The following SLC30A8 variants were observed in gnomAD, a reference collection of about 807,000 sequenced individuals.
The protein encoded by SLC30A8 is proton-coupled zinc antiporter SLC30A8.
SLC30A8 carries 27 observed loss-of-function variants against 36.9 expected under a neutral mutation model. That is an observed-to-expected ratio of 0.73 (90% CI 0.54 to 1.01). The LOEUF (loss-of-function observed/expected upper bound fraction) is 1.01, where lower values mean the gene tolerates loss of function less well. Ranked by LOEUF, SLC30A8 falls within the 50% of genes least tolerant of loss-of-function variation. SLC30A8 has a pLI of 0.00. For synonymous variants in SLC30A8, 164 were observed against 172.4 expected (o/e 0.95, Z 0.38); for missense variants, 439 against 452.0 (o/e 0.97, Z 0.26).
intron 3 of SLC30A8, among the ~76,000 whole-genome samples, chr8:117,153,819 G>T (rs1226269753): frequency 1.3e-5 from 2 of 151,896 alleles, no homozygotes; most frequent in African/African-American, 4.8e-5. Context: ...GCTGAAACAT[G>T]TGCCTGAGCC....
intron 1 of SLC30A8, among the ~76,000 whole-genome samples, chr8:116,969,647 A>G (rs1359213545): frequency 6.6e-6 from 1 of 152,202 alleles, no homozygotes; most frequent in African/African-American, 2.4e-5. Context: ...GTTGTATGGT[A>G]TAGACTATCG....
intron 2 of SLC30A8, among the ~76,000 whole-genome samples, chr8:117,064,363 C>T (rs925269082): frequency 5.9e-5 from 9 of 152,168 alleles, no homozygotes; most frequent in African/African-American, 2.2e-4. Flanking sequence ...GCTATCAAGA[C>T]ATTCTCACAT....
chr8:117,150,581 C>T (rs916457583), intron 2 of SLC30A8, among the ~76,000 whole-genome samples: 7 of 152,146 alleles, frequency 4.6e-5, no homozygotes, highest in Non-Finnish European at 7.4e-5. Flanking sequence ...CATAATTTCC[C>T]TTCGCTAACA....
chr8:116,982,071 C>T (rs765197573), intron 1 of SLC30A8, among the ~76,000 whole-genome samples: 2 of 152,112 alleles, frequency 1.3e-5, no homozygotes, highest in African/African-American at 2.4e-5. Context: ...GCAACCTTGC[C>T]AGAATCTGTT....
intron 1 of SLC30A8, among the ~76,000 whole-genome samples, chr8:116,975,547 G>T (rs1814967564): frequency 1.3e-5 from 2 of 152,176 alleles, no homozygotes; most frequent in East Asian, 1.9e-4. Context: ...TTGGCAATAT[G>T]TTTGGTAAAG....
chr8:116,957,879 C>G (rs551951768), intron 1 of SLC30A8, among the ~76,000 whole-genome samples: 1 of 152,240 alleles, frequency 6.6e-6, no homozygotes, highest in East Asian at 1.9e-4. Context: ...CCAGCTTTTT[C>G]CCTTCATGGT....
chr8:116,994,545 A>G (rs941702487), intron 1 of SLC30A8, among the ~76,000 whole-genome samples: 4 of 152,128 alleles, frequency 2.6e-5, no homozygotes, highest in Non-Finnish European at 5.9e-5. Context: ...ACAGTTCTGT[A>G]GGATTCTATT....
At chr8:117,149,346 C>T (rs1353818674) in intron 2 of SLC30A8, among the ~76,000 whole-genome samples, 1 of 152,080 alleles carries the variant, frequency 6.6e-6, no homozygotes, top group African/African-American at 2.4e-5. Flanking sequence ...ATGATAGTAG[C>T]TATTATTTAT....
chr8:117,113,306 GC>G (rs1171371585), intron 2 of SLC30A8, among the ~76,000 whole-genome samples: 1 of 152,144 alleles, frequency 6.6e-6, no homozygotes, highest in Non-Finnish European at 1.5e-5. Context: ...GATACTGGTT[GC>G]CAGCTTTCTG....
At chr8:117,145,881 A>G (rs1821873179) in intron 1 of SLC30A8, among the ~76,000 whole-genome samples, 1 of 152,186 alleles carries the variant, frequency 6.6e-6, no homozygotes, top group South Asian at 2.1e-4. Context: ...GACAAATATC[A>G]CATGTTCTCG....
At chr8:117,103,441 C>T (rs1819816476) in intron 2 of SLC30A8, among the ~76,000 whole-genome samples, 2 of 152,100 alleles carry the variant, frequency 1.3e-5, no homozygotes, top group South Asian at 4.1e-4. Context: ...TCAGTGCCCT[C>T]AGAGTCATGT....
At chr8:117,041,776 T>C (rs1817396486) in intron 2 of SLC30A8, among the ~76,000 whole-genome samples, 1 of 152,172 alleles carries the variant, frequency 6.6e-6, no homozygotes, top group Non-Finnish European at 1.5e-5. Context: ...GACACATTGA[T>C]TGCTTTAGGT....
intron 2 of SLC30A8, among the ~76,000 whole-genome samples, chr8:117,063,548 A>G (rs968587409): frequency 1.3e-5 from 2 of 152,188 alleles, no homozygotes; most frequent in Admixed American, 1.3e-4. Context: ...TGCAACATAC[A>G]CATGCAAATT....
intron 2 of SLC30A8, among the ~76,000 whole-genome samples, chr8:117,083,161 A>C (rs1223574059): frequency 1.3e-5 from 2 of 152,146 alleles, no homozygotes; most frequent in Admixed American, 6.5e-5. Flanking sequence ...TGGTCATTGA[A>C]ATGACAGCAA....
At chr8:116,953,867 C>G (rs1207125541) in intron 1 of SLC30A8, among the ~76,000 whole-genome samples, 2 of 152,096 alleles carry the variant, frequency 1.3e-5, no homozygotes, top group African/African-American at 2.4e-5. Flanking sequence ...CATCTTAAAA[C>G]TGTAATTCAT....
At chr8:116,954,055 T>A (rs3020110) in intron 1 of SLC30A8, among the ~76,000 whole-genome samples, 100,966 of 152,044 alleles carry the variant, frequency 0.66, 34,131 homozygotes, top group African/African-American at 0.8. Context: ...AGTCCTAACT[T>A]AGAAATAATT....
At chr8:117,012,796 C>T (rs1816392355) in intron 1 of SLC30A8, among the ~76,000 whole-genome samples, 1 of 150,230 alleles carries the variant, frequency 6.7e-6, no homozygotes, top group Non-Finnish European at 1.5e-5. Flanking sequence ...CCTTTGAAGG[C>T]AGTCAGCATA....
intron 1 of SLC30A8, among the ~76,000 whole-genome samples, chr8:117,008,926 A>T (rs1484508720): frequency 1.3e-5 from 2 of 152,186 alleles, no homozygotes; most frequent in East Asian, 3.8e-4. Context: ...GTGTCTAGTT[A>T]TGTGATGTTG....
At chr8:117,074,748 T>G (rs1467895359) in intron 2 of SLC30A8, among the ~76,000 whole-genome samples, 1 of 152,206 alleles carries the variant, frequency 6.6e-6, no homozygotes, top group African/African-American at 2.4e-5. Context: ...CACCACTGTA[T>G]TTCTTGTCAC....
Sources: allele counts gnomAD v4.1 joint callset (sites outside exome capture counted in the v4.1 genomes callset), GRCh38; gene constraint gnomAD v4.1.1; transcripts MANE v1.5; gene names NCBI Gene and HGNC (gene_info 2026-07-23, HGNC 2026-07-21).